The following ARHGAP18 variants were observed in gnomAD, a reference collection of about 807,000 sequenced individuals.
ARHGAP18 encodes the protein Rho GTPase activating protein 18, also known as rho GTPase-activating protein 18.
Under a neutral mutation model 86.2 loss-of-function variants are expected in ARHGAP18, and 67 were observed. The ratio of observed to expected loss-of-function variants is 0.78; its 90% CI spans 0.64 to 0.95. ARHGAP18 has a LOEUF of 0.95. ARHGAP18 is among the 40% of genes least tolerant of loss of function. The pLI, the probability that ARHGAP18 is intolerant of heterozygous loss-of-function variation, is 0.00. For synonymous variants in ARHGAP18, 283 were observed against 280.4 expected (o/e 1.01, Z -0.09); for missense variants, 691 against 780.4 (o/e 0.89, Z 1.37).
At chr6:129,625,156 G>GATATATT (rs1789343207) in intron 5 of ARHGAP18, among the ~76,000 whole-genome samples, 3 of 5,540 alleles carry the variant, frequency 5.4e-4, no homozygotes, top group Non-Finnish European at 6.9e-4. Context: ...ATATTATATA[G>GATATATT]ATATATATTA....
At chr6:129,607,567 G>T (rs1788879713) in intron 9 of ARHGAP18, among the ~76,000 whole-genome samples, 1 of 151,998 alleles carries the variant, frequency 6.6e-6, no homozygotes, top group African/African-American at 2.4e-5. Context: ...CAAGAAAATT[G>T]TATCAGAGAT....
chr6:129,647,935 A>C (rs1290340780), intron 1 of ARHGAP18, among the ~76,000 whole-genome samples: 2 of 152,152 alleles, frequency 1.3e-5, no homozygotes, highest in African/African-American at 4.8e-5. Context: ...TGGTCACTTT[A>C]ATATGTCAAA....
chr6:129,643,035 A>G (rs1773502472), intron 1 of ARHGAP18, among the ~76,000 whole-genome samples: 1 of 152,100 alleles, frequency 6.6e-6, no homozygotes, highest in Non-Finnish European at 1.5e-5. Context: ...CAAGTAAACA[A>G]TGTTTTTTGT....
chr6:129,655,758 T>C (rs1250574543), intron 1 of ARHGAP18, among the ~76,000 whole-genome samples: 5 of 152,206 alleles, frequency 3.3e-5, no homozygotes, highest in Non-Finnish European at 5.9e-5. Context: ...CGCCAACCAA[T>C]CTAATAGAGA....
intron 1 of ARHGAP18, among the ~76,000 whole-genome samples, chr6:129,655,109 T>A (rs1236865096): frequency 6.6e-6 from 1 of 151,802 alleles, no homozygotes; most frequent in Admixed American, 6.6e-5. Context: ...TCACCTGAGC[T>A]CAGGAGTTCG....
intron 4 of ARHGAP18, 129 bp downstream of exon 4, chr6:129,633,913 T>G (rs1292771185): frequency 2.6e-5 from 20 of 772,000 alleles, no homozygotes; most frequent in East Asian, 5.4e-5. Flanking sequence ...ATGATCCACT[T>G]GAGACCTTAC....
At position 129,578,616 on chromosome 6, in the gene ARHGAP18, G is replaced by C. The variant is rs1355831459; in HGVS notation, c.1901-12C>G. On this transcript the variant is annotated splice_polypyrimidine_tract_variant and intron_variant, in intron 14 of 14. Coordinates refer to ENST00000368149, the MANE Select transcript of ARHGAP18 (RefSeq NM_033515.3). ...AAGGCAGCGTTCCCCTGTTAAAATA[G>C]ATGTTGTGTCAGTTTAATACAGCAG... 2 of 1,602,424 alleles carry C rather than the reference G, an allele frequency of 1.2e-6. No individual in the cohort carries two copies. Among genetic ancestry groups the C allele is most frequent in the Admixed American group, 3.4e-5 (2 of 59,528 alleles).
chr6:129,706,984 T>C (rs1381520187), intron 1 of ARHGAP18, among the ~76,000 whole-genome samples: 2 of 151,292 alleles, frequency 1.3e-5, no homozygotes, highest in Non-Finnish European at 2.9e-5. Flanking sequence ...CCCAGCACTT[T>C]GGGGGGCCAA....
chr6:129,605,200 T>G (rs1170728496), intron 10 of ARHGAP18, among the ~76,000 whole-genome samples: 1 of 152,194 alleles, frequency 6.6e-6, no homozygotes, highest in Non-Finnish European at 1.5e-5. Context: ...ACTCTGCTGT[T>G]AAGGAAAATA....
intron 1 of ARHGAP18, among the ~76,000 whole-genome samples, chr6:129,668,360 AAT>A: frequency 7.3e-6 from 1 of 136,960 alleles, no homozygotes; most frequent in Non-Finnish European, 1.6e-5. Context: ...TTACCCAAAT[AAT>A]CACACACACA....
intron 1 of ARHGAP18, among the ~76,000 whole-genome samples, chr6:129,675,411 T>C (rs1029943891): frequency 3.4e-5 from 5 of 146,140 alleles, no homozygotes; most frequent in African/African-American, 1.3e-4. Context: ...AGAGGTTGAG[T>C]GGCAATAGGT....
At chr6:129,602,987 T>TTATATATATATATATATA (rs34563210) in intron 10 of ARHGAP18, among the ~76,000 whole-genome samples, 63 of 146,814 alleles carry the variant, frequency 4.3e-4, no homozygotes, top group Admixed American at 2.7e-3. Flanking sequence ...AATTTCCCCT[T>TTATATATATATATATATA]TATATATATA....
At chr6:129,666,922 C>T (rs1157069932) in intron 1 of ARHGAP18, among the ~76,000 whole-genome samples, 2 of 152,102 alleles carry the variant, frequency 1.3e-5, no homozygotes, top group African/African-American at 2.4e-5. Context: ...AATAGCACTT[C>T]CTTTAAATCT....
At chr6:129,604,308 A>C (rs997127267) in intron 10 of ARHGAP18, among the ~76,000 whole-genome samples, 3 of 152,138 alleles carry the variant, frequency 2.0e-5, no homozygotes, top group African/African-American at 7.2e-5. Flanking sequence ...TTTTAAAAGA[A>C]TATGCCTGGG....
At chr6:129,622,756 T>C (rs1014421137) in intron 5 of ARHGAP18, among the ~76,000 whole-genome samples, 2 of 151,964 alleles carry the variant, frequency 1.3e-5, no homozygotes, top group Non-Finnish European at 2.9e-5. Context: ...ATCCCAGCAA[T>C]CTGGGAGACT....
intron 1 of ARHGAP18, among the ~76,000 whole-genome samples, chr6:129,695,153 C>CA (rs1206404001): frequency 6.6e-6 from 1 of 151,606 alleles, no homozygotes; most frequent in Non-Finnish European, 1.5e-5. Flanking sequence ...GCTTCTAGGT[C>CA]AAAAAAAATT....
intron 8 of ARHGAP18, among the ~76,000 whole-genome samples, chr6:129,611,264 C>T (rs867598839): frequency 5.3e-5 from 8 of 152,244 alleles, no homozygotes; most frequent in Non-Finnish European, 8.8e-5. Context: ...ACTATCCCCA[C>T]GCCATTAATA....
chr6:129,587,793 A>G (rs1788427359), intron 12 of ARHGAP18, among the ~76,000 whole-genome samples: 1 of 152,210 alleles, frequency 6.6e-6, no homozygotes. Context: ...GGGTGGGGAC[A>G]CAGCCAAACC....
intron 5 of ARHGAP18, among the ~76,000 whole-genome samples, chr6:129,628,554 T>G (rs994888706): frequency 2.6e-5 from 4 of 152,168 alleles, no homozygotes; most frequent in African/African-American, 9.7e-5. Context: ...TTAGACAAGT[T>G]GGTGACCAAA....
Sources: gnomAD v4.1 joint callset for allele counts (sites outside exome capture counted in the v4.1 genomes callset) on GRCh38, gnomAD v4.1.1 for gene constraint, MANE v1.5 for transcripts, NCBI Gene and HGNC (gene_info 2026-07-23, HGNC 2026-07-21) for gene names.